The following SERPINI1 variants were observed in gnomAD, a reference collection of about 807,000 sequenced individuals.
SERPINI1 encodes neuroserpin.
In SERPINI1, 19 loss-of-function variants were observed where a neutral mutation model predicts 41.1. The ratio of observed to expected loss-of-function variants is 0.46; its 90% CI spans 0.32 to 0.68. SERPINI1 has a LOEUF of 0.68. Among genes scored for constraint, SERPINI1 ranks in the 30% least tolerant of loss-of-function variants. The pLI is 0.03. For synonymous variants in SERPINI1, 138 were observed against 156.6 expected (o/e 0.88, Z 0.89); for missense variants, 460 against 479.2 (o/e 0.96, Z 0.37).
At chr3:167,741,933 A>G (rs1309614578) in intron 1 of SERPINI1, among the ~76,000 whole-genome samples, 1 of 152,132 alleles carries the variant, frequency 6.6e-6, no homozygotes, top group Non-Finnish European at 1.5e-5. Flanking sequence ...AAAAAATTAT[A>G]TTATGAGATT....
rs71176658 is a variant in SERPINI1 at position 167,772,893 on chromosome 3, T to TAC, written c.-18-16190_-18-16189dup. ...ATATATATATATATATATATATATATACACACACACACACACACACACACA... is the reference window on the plus strand; with the variant it reads ...ATATATATATATATATATATATATATACACACACACACACACACACACACACA... On this transcript the variant is annotated intron_variant, in intron 1 of 8. Transcript: ENST00000446050. Among the ~76,000 whole-genome samples the TAC allele has an allele frequency of 3.3e-3, 174 of 52,164 alleles. 1 individual carries two copies. The highest frequency in any genetic ancestry group is 0.012 in the Middle Eastern group (1 of 86). 34.2% of individuals were successfully genotyped at this position (52,164 alleles called of 152,430 possible).
At chr3:167,737,008 T>C (rs773290731) in intron 1 of SERPINI1, among the ~76,000 whole-genome samples, 3 of 152,142 alleles carry the variant, frequency 2.0e-5, no homozygotes, top group Admixed American at 6.5e-5. Flanking sequence ...CAATACTTTA[T>C]GTTTTTTTTT....
At chr3:167,787,927 C>T (rs1039607288) in intron 1 of SERPINI1, among the ~76,000 whole-genome samples, 2 of 152,190 alleles carry the variant, frequency 1.3e-5, no homozygotes, top group African/African-American at 4.8e-5. Context: ...TCACTCTGCT[C>T]TTCAGTTAAA....
At chr3:167,784,791 C>A (rs991332866) in intron 1 of SERPINI1, among the ~76,000 whole-genome samples, 53 of 152,234 alleles carry the variant, frequency 3.5e-4, no homozygotes, top group African/African-American at 1.3e-3. Flanking sequence ...ATGGGGATTA[C>A]AATTCAAGAT....
At chr3:167,764,442 T>C (rs1464342790) in intron 1 of SERPINI1, among the ~76,000 whole-genome samples, 1 of 152,106 alleles carries the variant, frequency 6.6e-6, no homozygotes, top group African/African-American at 2.4e-5. Context: ...TTTTTAAAAC[T>C]ATCAGATCTC....
chr3:167,824,623 T>C lies in SERPINI1; in HGVS notation c.1156+61T>C, dbSNP rs1712454665. On this transcript the variant is annotated intron_variant, in intron 8 of 8. Transcript: ENST00000446050. Reference sequence around the variant, plus strand: ...GGTCACAAAGAACCTCTTTTTTAAATGGAGATTTTTTTCCTCAGTACTCAT... The same window carrying C: ...GGTCACAAAGAACCTCTTTTTTAAACGGAGATTTTTTTCCTCAGTACTCAT... The C allele has an allele frequency of 7.2e-6, 8 of 1,107,196 alleles. No homozygotes were observed. The South Asian group carries it at 1.0e-4, about 14-fold the overall frequency. The allele number at this position is 1,107,196 out of a possible 1,614,324, so 68.6% of individuals were successfully genotyped here.
intron 1 of SERPINI1, among the ~76,000 whole-genome samples, chr3:167,751,727 T>C (rs915916304): frequency 6.6e-6 from 1 of 152,116 alleles, no homozygotes; most frequent in Non-Finnish European, 1.5e-5. Flanking sequence ...TGCAGCGTTA[T>C]GTATGATTTG....
chr3:167,759,633 G>T (rs951865768), intron 1 of SERPINI1, among the ~76,000 whole-genome samples: 6 of 151,990 alleles, frequency 3.9e-5, no homozygotes, highest in Admixed American at 3.3e-4. Flanking sequence ...AACTGGGGAA[G>T]GTGAAAGGGG....
chr3:167,801,685 T>C (rs1332878507), intron 5 of SERPINI1, among the ~76,000 whole-genome samples: 1 of 152,140 alleles, frequency 6.6e-6, no homozygotes, highest in East Asian at 1.9e-4. Context: ...AGGATTTGCA[T>C]AGTGCCTGAA....
At chr3:167,759,070 A>G (rs1174508188) in intron 1 of SERPINI1, among the ~76,000 whole-genome samples, 1 of 152,154 alleles carries the variant, frequency 6.6e-6, no homozygotes, top group Non-Finnish European at 1.5e-5. Flanking sequence ...GCCACTCATT[A>G]TAGAGCCAGG....
At chr3:167,823,681 A>G (rs1216217416) in intron 7 of SERPINI1, among the ~76,000 whole-genome samples, 1 of 152,182 alleles carries the variant, frequency 6.6e-6, no homozygotes, top group Non-Finnish European at 1.5e-5. Context: ...TTGATGTGCT[A>G]TCAAATACTA....
intron 6 of SERPINI1, among the ~76,000 whole-genome samples, chr3:167,822,146 A>G (rs975977625): frequency 6.6e-6 from 1 of 152,226 alleles, no homozygotes; most frequent in African/African-American, 2.4e-5. Context: ...TAACCATTAC[A>G]CAGGGCCTTC....
At position 167,736,031 on chromosome 3, in the gene SERPINI1, T is replaced by G. The variant is rs1219861955; in HGVS notation, c.-19+208T>G. 2.0e-5 allele frequency: 3 copies of G among 152,204 alleles called. No homozygotes were observed. The East Asian group carries it at 5.8e-4, about 29-fold the overall frequency. The allele number at this position is 152,204 out of a possible 1,614,324, so 9.4% of individuals were successfully genotyped here. Reference sequence around the variant, plus strand: ...CTGGGTATAAAGGGCGTGGTTAGTGTTTTTGGTTTGAGTTGCACCAGTAAA... The same window carrying G: ...CTGGGTATAAAGGGCGTGGTTAGTGGTTTTGGTTTGAGTTGCACCAGTAAA... On this transcript the variant is annotated intron_variant, in intron 1 of 8. Transcript: ENST00000446050.
chr3:167,798,686 T>C (rs1577424288), intron 5 of SERPINI1, among the ~76,000 whole-genome samples: 1 of 152,172 alleles, frequency 6.6e-6, no homozygotes, highest in South Asian at 2.1e-4. Flanking sequence ...TGACAGGTAC[T>C]TTTACTTCCT....
Position 167,735,774 on chromosome 3 carries a change from C to T in SERPINI1, c.-68C>T, listed in dbSNP as rs545763804. The T allele has an allele frequency of 3.3e-5, 5 of 152,324 alleles. No individual in the cohort carries two copies. Among genetic ancestry groups the T allele is most frequent in the Admixed American group, 6.5e-5 (1 of 15,282 alleles). 9.4% of individuals were successfully genotyped at this position (152,324 alleles called of 1,614,324 possible). A position where few individuals can be genotyped will look rare whatever the true frequency, so the allele number is the denominator to read the frequency against. ...AACGAGAGCGGAGCGGAGCACAGTC[C>T]GCCGAGCACAAGCTCCAGCATCCCG... On this transcript the variant is annotated 5_prime_UTR_variant, in exon 1 of 9. Coordinates refer to ENST00000446050, the MANE Select transcript of SERPINI1 (RefSeq NM_001122752.2).
intron 1 of SERPINI1, among the ~76,000 whole-genome samples, chr3:167,764,399 CAG>C (rs546010442): frequency 2.6e-5 from 4 of 151,878 alleles, no homozygotes; most frequent in Non-Finnish European, 5.9e-5. Flanking sequence ...TGGCAGCAGG[CAG>C]AGAGAGAGAG....
chr3:167,791,240 T>C (rs1400141138), intron 3 of SERPINI1, among the ~76,000 whole-genome samples: 1 of 152,138 alleles, frequency 6.6e-6, no homozygotes, highest in Admixed American at 6.6e-5. Context: ...GAAATCACAG[T>C]CCTAAAATTG....
intron 1 of SERPINI1, chr3:167,736,218 T>C (rs1725423290): frequency 1.3e-5 from 2 of 152,216 alleles, no homozygotes; most frequent in Non-Finnish European, 2.9e-5. Flanking sequence ...TAACTTTGCA[T>C]TCTTCTTCAG....
chr3:167,792,467 A>G (rs2108558361), intron 3 of SERPINI1, 123 bp from the exon 4 acceptor site: 3 of 698,488 alleles, frequency 4.3e-6, no homozygotes, highest in East Asian at 2.7e-5. Flanking sequence ...TTTTATTTTC[A>G]TTGTAAATTT....
Sources: allele counts gnomAD v4.1 joint callset (sites outside exome capture counted in the v4.1 genomes callset), GRCh38; gene constraint gnomAD v4.1.1; transcripts MANE v1.5; gene names NCBI Gene and HGNC (gene_info 2026-07-23, HGNC 2026-07-21).